ZNF90: variants seen among roughly 807,000 people sequenced by gnomAD.
ZNF90 encodes zinc finger protein 90.
Under a neutral mutation model 12.0 loss-of-function variants are expected in ZNF90, and 11 were observed. The observed-to-expected ratio is 0.92, with a 90% CI of 0.58 to 1.52. The LOEUF (loss-of-function observed/expected upper bound fraction) is 1.52, where lower values mean the gene tolerates loss of function less well. Among genes scored for constraint, ZNF90 ranks in the 40% most tolerant of loss-of-function variants. The pLI is 0.00. For synonymous variants in ZNF90, 232 were observed against 240.1 expected, an observed-to-expected ratio of 0.97 and a Z score of 0.31; for missense variants, 765 against 711.5, an observed-to-expected ratio of 1.08 and a Z score of -0.86.
intron 1 of ZNF90, among the ~76,000 whole-genome samples, chr19:20,086,672 AT>A (rs1555702108): frequency 6.6e-6 from 1 of 152,228 alleles, no homozygotes; most frequent in East Asian, 1.9e-4. Flanking sequence ...TAAAACTATA[AT>A]TTTAAACTAT....
intron 3 of ZNF90, among the ~76,000 whole-genome samples, chr19:20,109,793 A>G (rs1232611837): frequency 6.6e-6 from 1 of 151,872 alleles, no homozygotes; most frequent in South Asian, 2.1e-4. Flanking sequence ...GGGAGTCAAA[A>G]TTGTGCCTCT....
chr19:20,120,120 A>G lies in ZNF90; in HGVS notation c.*760A>G, dbSNP rs2122536806. ...GGCAAAACTCCTACAAGTGTGAAGA[A>G]TGTGGGAAAACTTTTTAATCAGTGC... is the stretch of plus-strand genomic sequence containing the variant. On this transcript the variant is annotated 3_prime_UTR_variant, in exon 4 of 4. Coordinates refer to ENST00000418063, the MANE Select transcript of ZNF90 (RefSeq NM_007138.2). Among the ~76,000 whole-genome samples, 1 of 152,386 alleles carries G rather than the reference A, an allele frequency of 6.6e-6. No individual in the cohort carries two copies. Among genetic ancestry groups the G allele is most frequent in the East Asian group, 1.9e-4 (1 of 5,192 alleles).
chr19:20,105,131 A>G, intron 2 of ZNF90, 90 bp from the exon 3 acceptor site: 2 of 920,910 alleles, frequency 2.2e-6, no homozygotes, highest in South Asian at 4.9e-5. Flanking sequence ...TTACTAGACT[A>G]TTTTATCACA....
chr19:20,110,352 C>T (rs138709927), intron 3 of ZNF90, among the ~76,000 whole-genome samples: 4 of 151,830 alleles, frequency 2.6e-5, no homozygotes, highest in Admixed American at 6.6e-5. Flanking sequence ...GATCTTGGCT[C>T]ACTGCAACCC....
At chr19:20,111,764 A>G (rs908690964) in intron 3 of ZNF90, among the ~76,000 whole-genome samples, 1 of 152,192 alleles carries the variant, frequency 6.6e-6, no homozygotes, top group Non-Finnish European at 1.5e-5. Flanking sequence ...TTAATCTTAT[A>G]AGAACTTCAA....
At position 20,120,682 on chromosome 19, in the gene ZNF90, AAAC is replaced by A. The variant is rs2089187500; in HGVS notation, c.*1324_*1326del. The A allele has an allele frequency of 1.3e-5, 2 of 152,242 alleles. No homozygotes were observed. The highest frequency in any genetic ancestry group is 2.4e-5 in the African/African-American group (1 of 41,468). The allele number at this position is 152,242 out of a possible 1,614,324, so 9.4% of individuals were successfully genotyped here. ...CACTGATACTTCAGACATTACACTAAAACAGTGTTGAGTATAAAAAAGAATCCA... is the reference window on the plus strand; with the variant it reads ...CACTGATACTTCAGACATTACACTAAAGTGTTGAGTATAAAAAAGAATCCA... On this transcript the variant is annotated 3_prime_UTR_variant, in exon 4 of 4. Transcript: ENST00000418063.
At position 20,118,997 on chromosome 19, in the gene ZNF90, C is replaced by T. The variant is rs781990149; in HGVS notation, c.1443C>T (p.Tyr481=). The T allele has an allele frequency of 6.2e-6, 10 of 1,607,894 alleles. No individual in the cohort carries two copies. Among genetic ancestry groups the T allele is most frequent in the Middle Eastern group, 1.7e-4 (1 of 6,052 alleles). The change falls in exon 4 of 4, where the codon TAC becomes TAT. Residue 481 remains tyrosine (Y), a synonymous_variant. Coordinates refer to ENST00000418063, the MANE Select transcript of ZNF90 (RefSeq NM_007138.2). ...TAAGTCATACTGAAGAGAAACTCTA[C>T]AAATGTCAAGAATGTGACAAAGCCT... ...HKISHTEEKL[Y]KCQECDKAFK...
At chr19:20,109,838 C>G (rs1191447253) in intron 3 of ZNF90, among the ~76,000 whole-genome samples, 1 of 151,310 alleles carries the variant, frequency 6.6e-6, no homozygotes, top group Admixed American at 6.6e-5. Context: ...GAGACTCTGT[C>G]TCCAAAAAAA....
intron 2 of ZNF90, among the ~76,000 whole-genome samples, chr19:20,104,861 G>A (rs550374360): frequency 2.6e-5 from 4 of 152,240 alleles, no homozygotes; most frequent in South Asian, 2.1e-4. Flanking sequence ...TGGCATGGTG[G>A]CACATGCCTG....
intron 1 of ZNF90, among the ~76,000 whole-genome samples, chr19:20,096,830 G>A (rs541074284): frequency 6.6e-6 from 1 of 152,204 alleles, no homozygotes; most frequent in Non-Finnish European, 1.5e-5. Context: ...CCCTGCCAGA[G>A]TGTACAGAGC....
intron 1 of ZNF90, among the ~76,000 whole-genome samples, chr19:20,090,786 T>A (rs1555702653): frequency 6.6e-6 from 1 of 152,192 alleles, no homozygotes; most frequent in African/African-American, 2.4e-5. Flanking sequence ...TCAAATGGAC[T>A]GTACCCTGTA....
At chr19:20,109,529 G>A (rs2089068142) in intron 3 of ZNF90, among the ~76,000 whole-genome samples, 1 of 151,874 alleles carries the variant, frequency 6.6e-6, no homozygotes, top group Admixed American at 6.6e-5. Context: ...TAAAAGCATT[G>A]TTTTAAAAAC....
At chr19:20,100,087 T>C (rs1360727044) in intron 1 of ZNF90, among the ~76,000 whole-genome samples, 1 of 152,162 alleles carries the variant, frequency 6.6e-6, no homozygotes, top group African/African-American at 2.4e-5. Flanking sequence ...ACCCCTAGTA[T>C]GGGGTAATCC....
At chr19:20,081,342 C>A (rs1261224057) in intron 1 of ZNF90, among the ~76,000 whole-genome samples, 1 of 152,118 alleles carries the variant, frequency 6.6e-6, no homozygotes, top group Non-Finnish European at 1.5e-5. Flanking sequence ...GTGAGTGCCA[C>A]CACACCCAGC....
At chr19:20,116,079 G>A (rs979999056) in intron 3 of ZNF90, among the ~76,000 whole-genome samples, 1 of 151,980 alleles carries the variant, frequency 6.6e-6, no homozygotes, top group Admixed American at 6.6e-5. Flanking sequence ...CACCATGTTG[G>A]CTATGCTGAC....
chr19:20,086,543 T>A (rs1043057022), intron 1 of ZNF90, among the ~76,000 whole-genome samples: 4 of 152,138 alleles, frequency 2.6e-5, no homozygotes, highest in African/African-American at 9.7e-5. Context: ...TTTTCTACAA[T>A]AGTATGAGTA....
At chr19:20,101,034 T>C (rs782820041) in intron 1 of ZNF90, among the ~76,000 whole-genome samples, 1 of 152,154 alleles carries the variant, frequency 6.6e-6, no homozygotes, top group African/African-American at 2.4e-5. Context: ...CTGCACACTC[T>C]TCTGGTCTGT....
intron 3 of ZNF90, among the ~76,000 whole-genome samples, chr19:20,109,539 C>T (rs1269177401): frequency 1.3e-5 from 2 of 151,926 alleles, no homozygotes; most frequent in South Asian, 2.1e-4. Context: ...GTTTTAAAAA[C>T]ACATAACATA....
chr19:20,084,459 G>T (rs938112126), intron 1 of ZNF90, among the ~76,000 whole-genome samples: 1 of 152,122 alleles, frequency 6.6e-6, no homozygotes, highest in Non-Finnish European at 1.5e-5. Context: ...ATGCATGTGG[G>T]TATGTCTTTA....
Sources: allele counts gnomAD v4.1 joint callset (sites outside exome capture counted in the v4.1 genomes callset), GRCh38; gene constraint gnomAD v4.1.1; transcripts MANE v1.5; gene names NCBI Gene and HGNC (gene_info 2026-07-23, HGNC 2026-07-21).